STAU2: variants seen among roughly 807,000 people sequenced by gnomAD.
The protein encoded by STAU2 is double-stranded RNA-binding protein Staufen homolog 2.
Under a neutral mutation model 65.9 loss-of-function variants are expected in STAU2, and 20 were observed. The observed-to-expected ratio is 0.30, with a 90% CI of 0.21 to 0.44. STAU2 has a LOEUF of 0.44. Ranked by LOEUF, STAU2 falls within the 20% of genes least tolerant of loss-of-function variation. STAU2 has a pLI of 1.00. For synonymous variants in STAU2, 232 were observed against 233.9 expected, an observed-to-expected ratio of 0.99 and a Z score of 0.07; for missense variants, 558 against 683.9, an observed-to-expected ratio of 0.82 and a Z score of 2.05.
chr8:73,702,295 C>T (rs1820166271), intron 4 of STAU2, among the ~76,000 whole-genome samples: 1 of 151,984 alleles, frequency 6.6e-6, no homozygotes, highest in African/African-American at 2.4e-5. Context: ...ACCCAATTTC[C>T]ATTATGTGAT....
intron 6 of STAU2, among the ~76,000 whole-genome samples, chr8:73,664,385 C>T (rs1252529310): frequency 6.6e-6 from 1 of 152,204 alleles, no homozygotes; most frequent in Non-Finnish European, 1.5e-5. Flanking sequence ...CCTGATCTTA[C>T]AAGTATTCAG....
chr8:73,606,127 A>G (rs946265277), intron 9 of STAU2, among the ~76,000 whole-genome samples: 5 of 152,086 alleles, frequency 3.3e-5, no homozygotes, highest in African/African-American at 1.2e-4. Context: ...TAAGATTTCC[A>G]GAAGAAAAAT....
intron 3 of STAU2, among the ~76,000 whole-genome samples, chr8:73,731,245 T>C (rs1278484510): frequency 6.6e-6 from 1 of 152,172 alleles, no homozygotes; most frequent in Non-Finnish European, 1.5e-5. Flanking sequence ...TGCTCACTTG[T>C]TCATGCTCTC....
intron 6 of STAU2, among the ~76,000 whole-genome samples, chr8:73,670,985 G>GTT (rs1363333222): frequency 2.6e-5 from 4 of 152,138 alleles, no homozygotes; most frequent in Admixed American, 2.6e-4. Context: ...TAGACTGAAG[G>GTT]TTAACATCCT....
intron 13 of STAU2, among the ~76,000 whole-genome samples, chr8:73,535,612 AAC>A (rs973907757): frequency 2.6e-5 from 4 of 152,242 alleles, no homozygotes; most frequent in African/African-American, 4.8e-5. Context: ...GTGATTCTTT[AAC>A]AGTTTCATGT....
chr8:73,674,196 T>C (rs996310350), intron 5 of STAU2, among the ~76,000 whole-genome samples: 1 of 151,280 alleles, frequency 6.6e-6, no homozygotes, highest in African/African-American at 2.4e-5. Flanking sequence ...GTTTCATAGA[T>C]TTTATTTTGA....
At position 73,476,903 on chromosome 8, in the gene STAU2, C is replaced by T. The variant is rs1420016524; in HGVS notation, c.1531-54201G>A. On this transcript the variant is annotated intron_variant, in intron 13 of 14. Transcript: ENST00000524300. Reference sequence around the variant, plus strand: ...CTTCTAGGTACCATAGAAATGTCAGCATAGTGAGAATATTGCATATATACC... The same window carrying T: ...CTTCTAGGTACCATAGAAATGTCAGTATAGTGAGAATATTGCATATATACC... 2.0e-5 allele frequency among the ~76,000 whole-genome samples: 3 copies of T among 152,202 alleles called. No individual in the cohort carries two copies. In the South Asian group the frequency reaches 6.2e-4, roughly 31 times the overall value.
intron 6 of STAU2, among the ~76,000 whole-genome samples, chr8:73,645,739 C>T (rs1815322186): frequency 6.6e-6 from 1 of 152,130 alleles, no homozygotes; most frequent in Admixed American, 6.6e-5. Flanking sequence ...TGGGAGGCCT[C>T]AGGAAATGTA....
chr8:73,686,039 T>A (rs1435005385), intron 5 of STAU2, among the ~76,000 whole-genome samples: 1 of 151,928 alleles, frequency 6.6e-6, no homozygotes, highest in Admixed American at 6.6e-5. Flanking sequence ...TTATTCTAAG[T>A]AAAGTCACAC....
At chr8:73,523,734 C>T (rs1823189478) in intron 13 of STAU2, among the ~76,000 whole-genome samples, 1 of 152,040 alleles carries the variant, frequency 6.6e-6, no homozygotes, top group South Asian at 2.1e-4. Flanking sequence ...GACAACAAGG[C>T]CAGTGAGACT....
At chr8:73,578,501 A>G (rs1312142174) in intron 12 of STAU2, among the ~76,000 whole-genome samples, 3 of 152,234 alleles carry the variant, frequency 2.0e-5, no homozygotes, top group African/African-American at 7.2e-5. Flanking sequence ...GAAGGATGAT[A>G]TCATTCTGAA....
intron 13 of STAU2, among the ~76,000 whole-genome samples, chr8:73,474,842 T>C (rs1299911285): frequency 6.6e-6 from 1 of 152,066 alleles, no homozygotes; most frequent in Admixed American, 6.6e-5. Flanking sequence ...AAGATAAAAA[T>C]AACAGTGTAC....
intron 13 of STAU2, among the ~76,000 whole-genome samples, chr8:73,515,282 A>G (rs1267028785): frequency 6.6e-6 from 1 of 152,222 alleles, no homozygotes; most frequent in African/African-American, 2.4e-5. Flanking sequence ...ATGAGGTAGC[A>G]GCTATTTGCC....
chr8:73,653,101 A>G (rs1816032564), intron 6 of STAU2: 1 of 152,200 alleles, frequency 6.6e-6, no homozygotes, highest in Non-Finnish European at 1.5e-5. Context: ...GCAATATGCA[A>G]AGGTGCACTG....
intron 6 of STAU2, among the ~76,000 whole-genome samples, chr8:73,626,553 T>C (rs1813657071): frequency 6.6e-6 from 1 of 152,216 alleles, no homozygotes; most frequent in African/African-American, 2.4e-5. Flanking sequence ...AGCCATTCCA[T>C]AGTGCAGGAA....
intron 13 of STAU2, among the ~76,000 whole-genome samples, chr8:73,484,015 T>C (rs1441312862): frequency 6.6e-6 from 1 of 152,170 alleles, no homozygotes; most frequent in Non-Finnish European, 1.5e-5. Context: ...AATATAGTCA[T>C]ATCCGGAGTT....
intron 6 of STAU2, among the ~76,000 whole-genome samples, chr8:73,654,970 C>T (rs905129041): frequency 6.6e-6 from 1 of 152,140 alleles, no homozygotes; most frequent in Non-Finnish European, 1.5e-5. Context: ...CAGGCGTGAG[C>T]CACCGCGCCC....
intron 12 of STAU2, among the ~76,000 whole-genome samples, chr8:73,559,134 A>G (rs7820974): frequency 0.93 from 141,150 of 152,278 alleles, 65,449 homozygotes; most frequent in Middle Eastern, 0.96. Context: ...ACAATTTCCT[A>G]GTTTTGAAAA....
chr8:73,517,427 T>TAA (rs59456238), intron 13 of STAU2, among the ~76,000 whole-genome samples: 1 of 96,956 alleles, frequency 1.0e-5, no homozygotes, highest in African/African-American at 4.1e-5. Context: ...CTTGTCTCAA[T>TAA]AAATAAAAAT....
Sources: allele counts gnomAD v4.1 joint callset (sites outside exome capture counted in the v4.1 genomes callset), GRCh38; gene constraint gnomAD v4.1.1; transcripts MANE v1.5; gene names NCBI Gene and HGNC (gene_info 2026-07-23, HGNC 2026-07-21).